CSTPP1: variants seen among roughly 807,000 people sequenced by gnomAD.
CSTPP1 encodes centriolar satellite-associated tubulin polyglutamylase complex regulator 1, also known as UPF0705 protein C11orf49.
the CSTPP1 span, among the ~76,000 whole-genome samples, chr11:46,955,798 C>T: frequency 8.6e-5 from 13 of 151,696 alleles, no homozygotes; most frequent in Non-Finnish European, 2.9e-5. Context: ...TCCAGACCAG[C>T]CTGGACAACA....
the CSTPP1 span, among the ~76,000 whole-genome samples, chr11:47,082,814 T>G: frequency 6.6e-6 from 1 of 152,178 alleles, no homozygotes; most frequent in African/African-American, 2.4e-5. Context: ...AGATTATATA[T>G]AGATAGAATC....
chr11:47,153,891 C>T, the CSTPP1 span, among the ~76,000 whole-genome samples: 1 of 152,114 alleles, frequency 6.6e-6, no homozygotes, highest in Non-Finnish European at 1.5e-5. Flanking sequence ...AAACCTCTGA[C>T]TCAGGGAAGT....
the CSTPP1 span, among the ~76,000 whole-genome samples, chr11:47,031,764 A>G: frequency 6.7e-6 from 1 of 149,834 alleles, no homozygotes; most frequent in Non-Finnish European, 1.5e-5. Context: ...ATATTGTATT[A>G]GGGTTCTCTA....
chr11:47,058,984 C>T, the CSTPP1 span, among the ~76,000 whole-genome samples: 3 of 152,170 alleles, frequency 2.0e-5, no homozygotes, highest in African/African-American at 7.2e-5. Flanking sequence ...AAATATGGAA[C>T]ATATACACCA....
chr11:46,949,944 A>T, the CSTPP1 span, among the ~76,000 whole-genome samples: 4 of 152,118 alleles, frequency 2.6e-5, no homozygotes, highest in Admixed American at 6.6e-5. Context: ...AAATGCTGGG[A>T]TTACAAGCAT....
At chr11:47,077,196 G>GTTTTTTTTT in the CSTPP1 span, among the ~76,000 whole-genome samples, 3 of 135,520 alleles carry the variant, frequency 2.2e-5, no homozygotes, top group Admixed American at 7.3e-5. Context: ...GGATAAAGTT[G>GTTTTTTTTT]TTTTTTTTTT....
At chr11:46,946,807 C>A in the CSTPP1 span, among the ~76,000 whole-genome samples, 12 of 152,150 alleles carry the variant, frequency 7.9e-5, no homozygotes, top group African/African-American at 2.4e-4. Context: ...TTGTCTGTTT[C>A]TTATTAGAAT....
At chr11:46,940,866 C>A in the CSTPP1 span, among the ~76,000 whole-genome samples, 43 of 152,280 alleles carry the variant, frequency 2.8e-4, no homozygotes, top group African/African-American at 1.0e-3. Flanking sequence ...AAGGCTAGTT[C>A]ATTGTTCAGT....
chr11:47,098,343 T>TA, the CSTPP1 span, among the ~76,000 whole-genome samples: 154 of 148,834 alleles, frequency 1.0e-3, no homozygotes, highest in Non-Finnish European at 1.9e-3. Flanking sequence ...AAATAAAAAA[T>TA]AAAAAAAAAT....
the CSTPP1 span, among the ~76,000 whole-genome samples, chr11:47,159,163 C>A: frequency 6.6e-6 from 1 of 152,168 alleles, no homozygotes; most frequent in Non-Finnish European, 1.5e-5. Flanking sequence ...GTCTGGGGAG[C>A]CCTCAACTGA....
chr11:47,109,784 G>T, the CSTPP1 span, among the ~76,000 whole-genome samples: 1 of 152,166 alleles, frequency 6.6e-6, no homozygotes, highest in Admixed American at 6.5e-5. Context: ...AATTGGTAAG[G>T]CTTGGAATTC....
chr11:47,006,366 C>CT, the CSTPP1 span, among the ~76,000 whole-genome samples: 1 of 152,052 alleles, frequency 6.6e-6, no homozygotes, highest in East Asian at 1.9e-4. Context: ...TGAAAATAAT[C>CT]TTTTTTTAAA....
the CSTPP1 span, among the ~76,000 whole-genome samples, chr11:46,989,534 C>CA: frequency 6.6e-6 from 1 of 152,164 alleles, no homozygotes; most frequent in Non-Finnish European, 1.5e-5. Context: ...CTGCAGGCCT[C>CA]AAGTAATCCT....
At chr11:47,014,475 A>G in the CSTPP1 span, among the ~76,000 whole-genome samples, 1 of 152,074 alleles carries the variant, frequency 6.6e-6, no homozygotes, top group African/African-American at 2.4e-5. Flanking sequence ...AGGTGGGTGG[A>G]TCACCGATCA....
the CSTPP1 span, among the ~76,000 whole-genome samples, chr11:47,101,778 T>C: frequency 6.6e-6 from 1 of 152,060 alleles, no homozygotes; most frequent in Non-Finnish European, 1.5e-5. Flanking sequence ...AGAGACGGGG[T>C]TGGCAGAAGC....
the CSTPP1 span, among the ~76,000 whole-genome samples, chr11:47,001,663 C>T: frequency 7.2e-5 from 11 of 151,802 alleles, no homozygotes; most frequent in Middle Eastern, 3.2e-3. Context: ...TGTATCATTT[C>T]TTGTTATTTT....
chr11:46,985,738 C>T, the CSTPP1 span, among the ~76,000 whole-genome samples: 7 of 152,270 alleles, frequency 4.6e-5, no homozygotes, highest in African/African-American at 1.7e-4. Context: ...GTACTATGTA[C>T]CAAACACATA....
At chr11:47,048,262 A>G in the CSTPP1 span, among the ~76,000 whole-genome samples, 1 of 152,360 alleles carries the variant, frequency 6.6e-6, no homozygotes, top group South Asian at 2.1e-4. Context: ...GGGTCCATCA[A>G]CAGATCAATG....
chr11:47,161,236 G>A, the CSTPP1 span: 62 of 1,613,808 alleles, frequency 3.8e-5, no homozygotes, highest in Admixed American at 6.7e-5. Context: ...GGGGCCAGAC[G>A]GGTCGGACAC....
Sources: gnomAD v4.1 joint callset for allele counts (sites outside exome capture counted in the v4.1 genomes callset) on GRCh38, gnomAD v4.1.1 for gene constraint, MANE v1.5 for transcripts, NCBI Gene and HGNC (gene_info 2026-07-23, HGNC 2026-07-21) for gene names.